Variants in AGBL4 observed in about 807,000 individuals in gnomAD.
AGBL4 encodes the protein AGBL carboxypeptidase 4.
A neutral mutation model predicts 66.4 loss-of-function variants in AGBL4; 58 were observed. That is an observed-to-expected ratio of 0.87 (90% CI 0.71 to 1.09). AGBL4 has a LOEUF of 1.09. Ranked by LOEUF, AGBL4 falls within the 50% of genes least tolerant of loss-of-function variation. AGBL4 has a pLI of 0.00. For missense variants in AGBL4, 579 were observed against 631.0 expected, an observed-to-expected ratio of 0.92 and a Z score of 0.88; for synonymous variants, 234 against 222.9, an observed-to-expected ratio of 1.05 and a Z score of -0.44.
At chr1:49,970,505 G>A (rs1252639842) in intron 1 of AGBL4, among the ~76,000 whole-genome samples, 1 of 152,052 alleles carries the variant, frequency 6.6e-6, no homozygotes, top group African/African-American at 2.4e-5. Context: ...ATCGGTGCCT[G>A]GCCAACATGG....
At chr1:48,531,695 A>G (rs999855650), downstream of AGBL4, among the ~76,000 whole-genome samples, 5 of 152,104 alleles carry the variant, frequency 3.3e-5, no homozygotes, top group Admixed American at 6.5e-5. Context: ...CTTTTGTCCA[A>G]TGATGTCTGT....
intron 1 of AGBL4, among the ~76,000 whole-genome samples, chr1:49,988,868 T>C (rs1487557109): frequency 1.1e-4 from 16 of 152,342 alleles, no homozygotes; most frequent in Non-Finnish European, 1.5e-5. Context: ...ATATTTTTGA[T>C]GTGCATTCAA....
At chr1:48,545,838 T>G (rs188875105) in intron 11 of AGBL4, among the ~76,000 whole-genome samples, 1 of 152,356 alleles carries the variant, frequency 6.6e-6, no homozygotes, top group East Asian at 1.9e-4. Flanking sequence ...GCCTCCTATT[T>G]AATGAGGTCC....
At chr1:48,830,128 T>A (rs984504753) in intron 6 of AGBL4, among the ~76,000 whole-genome samples, 4 of 152,190 alleles carry the variant, frequency 2.6e-5, no homozygotes, top group Non-Finnish European at 4.4e-5. Context: ...GAGATCTGGA[T>A]TCAAATTCCA....
intron 2 of AGBL4, among the ~76,000 whole-genome samples, chr1:49,723,218 G>A (rs1242851724): frequency 6.6e-6 from 1 of 151,912 alleles, no homozygotes; most frequent in African/African-American, 2.4e-5. Context: ...ACTCAACAGT[G>A]TTAGCCAGGC....
At chr1:49,230,195 C>A (rs1650206437) in intron 4 of AGBL4, among the ~76,000 whole-genome samples, 1 of 152,154 alleles carries the variant, frequency 6.6e-6, no homozygotes, top group African/African-American at 2.4e-5. Context: ...GCTTATGTGC[C>A]TCCAGGCAGA....
chr1:48,738,736 T>C (rs1649456316), intron 6 of AGBL4, among the ~76,000 whole-genome samples: 1 of 152,174 alleles, frequency 6.6e-6, no homozygotes, highest in Non-Finnish European at 1.5e-5. Flanking sequence ...ATCTTTTAAT[T>C]TGTTATTCTT....
intron 2 of AGBL4, among the ~76,000 whole-genome samples, chr1:49,715,127 C>T (rs1021679181): frequency 1.6e-4 from 24 of 152,164 alleles, no homozygotes; most frequent in African/African-American, 5.8e-4. Flanking sequence ...GCCCCCCAGC[C>T]CCAACAGGCT....
intron 6 of AGBL4, among the ~76,000 whole-genome samples, chr1:48,859,034 A>T (rs1481025136): frequency 1.3e-5 from 2 of 152,082 alleles, no homozygotes; most frequent in Admixed American, 1.3e-4. Context: ...CCATAAATTC[A>T]AATCCTTGCT....
In AGBL4 at chr1:48,609,389, C is replaced by T. The variant is rs569374335; in HGVS notation, c.952-18404G>A. On this transcript the variant is annotated intron_variant, in intron 9 of 13. Coordinates refer to ENST00000371839, the MANE Select transcript of AGBL4 (RefSeq NM_032785.4). ...TTTCTATAATGTTTTTCACTCCAGT[C>T]ATAGGACTCTCTTTAATTCCCAAGA... is the stretch of plus-strand genomic sequence containing the variant. 3.3e-5 allele frequency among the ~76,000 whole-genome samples: 5 copies of T among 152,250 alleles called. No individual in the cohort carries two copies. The South Asian group carries it at 1.0e-3, about 32-fold the overall frequency.
At chr1:48,572,490 A>C (rs1333354777) in intron 11 of AGBL4, among the ~76,000 whole-genome samples, 1 of 151,750 alleles carries the variant, frequency 6.6e-6, no homozygotes, top group Non-Finnish European at 1.5e-5. Context: ...AAAGTGGAGA[A>C]GGTAAGAGAG....
At chr1:49,647,042 A>C (rs1381319485) in intron 3 of AGBL4, among the ~76,000 whole-genome samples, 1 of 152,030 alleles carries the variant, frequency 6.6e-6, no homozygotes, top group Non-Finnish European at 1.5e-5. Context: ...AAAATAGAAC[A>C]TATACCTAAA....
At chr1:48,775,258 T>G (rs776180252) in intron 6 of AGBL4, among the ~76,000 whole-genome samples, 9 of 152,166 alleles carry the variant, frequency 5.9e-5, no homozygotes, top group Non-Finnish European at 1.3e-4. Context: ...AGGGTCCAAG[T>G]GCTGCTGGTC....
At chr1:48,660,904 A>T (rs572808993) in intron 7 of AGBL4, among the ~76,000 whole-genome samples, 2 of 152,254 alleles carry the variant, frequency 1.3e-5, no homozygotes, top group South Asian at 4.1e-4. Flanking sequence ...GGACAAGGGA[A>T]CATGTACAGG....
intron 6 of AGBL4, among the ~76,000 whole-genome samples, chr1:48,711,498 G>C (rs1030319430): frequency 6.6e-6 from 1 of 152,154 alleles, no homozygotes; most frequent in African/African-American, 2.4e-5. Context: ...GCACCGCTAT[G>C]TCAGGAAAGT....
At chr1:48,874,289 G>A (rs1172318735) in intron 5 of AGBL4, among the ~76,000 whole-genome samples, 2 of 151,302 alleles carry the variant, frequency 1.3e-5, no homozygotes, top group Non-Finnish European at 2.9e-5. Flanking sequence ...TCACTTTCTA[G>A]GCATCTAGGG....
intron 2 of AGBL4, among the ~76,000 whole-genome samples, chr1:49,761,993 G>T (rs1362812342): frequency 1.3e-5 from 2 of 151,968 alleles, no homozygotes; most frequent in East Asian, 3.9e-4. Context: ...GCATACTTGG[G>T]TCAATCCCAC....
In AGBL4 at chr1:49,335,202, A is replaced by G. The variant is rs185160116; in HGVS notation, c.283-89338T>C. ...GACACAACCATTCACTCCGTTGCTCAGGTCAAAAGCCTATGAGTCATTTTT... is the reference window on the plus strand; with the variant it reads ...GACACAACCATTCACTCCGTTGCTCGGGTCAAAAGCCTATGAGTCATTTTT... On this transcript the variant is annotated intron_variant, in intron 3 of 13. Coordinates refer to ENST00000371839, the MANE Select transcript of AGBL4 (RefSeq NM_032785.4). Among the ~76,000 whole-genome samples the G allele has an allele frequency of 2.9e-3, 443 of 152,358 alleles. 1 individual carries two copies. The highest frequency in any genetic ancestry group is 0.01 in the Middle Eastern group (3 of 294).
At chr1:48,552,183 C>A (rs1355012213) in intron 11 of AGBL4, among the ~76,000 whole-genome samples, 1 of 152,174 alleles carries the variant, frequency 6.6e-6, no homozygotes, top group South Asian at 2.1e-4. Flanking sequence ...CCTGCCTCAG[C>A]CTCCCAAGTA....
Sources: allele counts gnomAD v4.1 joint callset (sites outside exome capture counted in the v4.1 genomes callset), GRCh38; gene constraint gnomAD v4.1.1; transcripts MANE v1.5; gene names NCBI Gene and HGNC (gene_info 2026-07-23, HGNC 2026-07-21).